The following TANGO6 variants were observed in gnomAD, a reference collection of about 807,000 sequenced individuals.
The protein encoded by TANGO6 is transport and Golgi organization protein 6 homolog.
A neutral mutation model predicts 114.2 loss-of-function variants in TANGO6; 90 were observed. The ratio of observed to expected loss-of-function variants is 0.79; its 90% CI spans 0.66 to 0.94. The LOEUF (loss-of-function observed/expected upper bound fraction) is 0.94. Ranked by LOEUF, TANGO6 falls within the 40% of genes least tolerant of loss-of-function variation. The pLI is 0.00. For synonymous variants in TANGO6, 477 were observed against 509.8 expected (o/e 0.94, Z 0.87); for missense variants, 1,274 against 1,315.3 (o/e 0.97, Z 0.49).
chr16:68,897,507 G>T (rs1005285032), intron 7 of TANGO6, among the ~76,000 whole-genome samples: 1 of 151,700 alleles, frequency 6.6e-6, no homozygotes, highest in African/African-American at 2.4e-5. Flanking sequence ...TAAATTTTAG[G>T]CACAAGTAGT....
At chr16:68,878,084 A>T (rs1355798872) in intron 5 of TANGO6, 34 bp from the exon 6 acceptor site, 2 of 1,576,918 alleles carry the variant, frequency 1.3e-6, no homozygotes, top group Non-Finnish European at 1.7e-6. Context: ...TCCTTGCAAA[A>T]AACTGGTATT....
At chr16:68,957,154 TATGC>T (rs562943316) in intron 14 of TANGO6, among the ~76,000 whole-genome samples, 12 of 151,970 alleles carry the variant, frequency 7.9e-5, no homozygotes, top group African/African-American at 2.7e-4. Context: ...TTTATGTGTG[TATGC>T]ATGCATGCAT....
chr16:69,021,299 G>C (rs771964163), intron 15 of TANGO6, among the ~76,000 whole-genome samples: 4 of 152,070 alleles, frequency 2.6e-5, no homozygotes, highest in Non-Finnish European at 5.9e-5. Context: ...TACACTGGCT[G>C]TTCTCTCTTC....
At chr16:68,854,568 A>G (rs759631558) in intron 1 of TANGO6, among the ~76,000 whole-genome samples, 1 of 151,386 alleles carries the variant, frequency 6.6e-6, no homozygotes, top group Non-Finnish European at 1.5e-5. Context: ...TTTTGTATTT[A>G]TGATCTGTTT....
At chr16:68,928,561 A>C (rs972247150) in intron 13 of TANGO6, among the ~76,000 whole-genome samples, 8 of 152,094 alleles carry the variant, frequency 5.3e-5, no homozygotes, top group African/African-American at 1.7e-4. Context: ...CGGCCTCCCA[A>C]AGTGCTGGGA....
intron 14 of TANGO6, among the ~76,000 whole-genome samples, chr16:68,963,360 G>A (rs947004423): frequency 2.6e-5 from 4 of 152,108 alleles, no homozygotes; most frequent in South Asian, 2.1e-4. Flanking sequence ...AAAGTGATCC[G>A]CCCACCTCGG....
chr16:69,049,341 A>G (rs1040565579), intron 17 of TANGO6, among the ~76,000 whole-genome samples: 8 of 152,018 alleles, frequency 5.3e-5, no homozygotes, highest in Admixed American at 2.6e-4. Context: ...GAGTCATACA[A>G]TATGTGGCCT....
chr16:68,914,409 GC>G (rs1327538336), intron 11 of TANGO6, among the ~76,000 whole-genome samples: 1 of 152,134 alleles, frequency 6.6e-6, no homozygotes, highest in Non-Finnish European at 1.5e-5. Flanking sequence ...TGATCTGCCT[GC>G]CTTGGCCTCC....
chr16:69,081,398 T>A (rs915514676), intron 17 of TANGO6, among the ~76,000 whole-genome samples: 1 of 151,624 alleles, frequency 6.6e-6, no homozygotes, highest in Non-Finnish European at 1.5e-5. Flanking sequence ...TTTTTTGAGG[T>A]GGAGTCTCAC....
chr16:68,896,940 A>G (rs959991844), intron 7 of TANGO6, among the ~76,000 whole-genome samples: 4 of 151,578 alleles, frequency 2.6e-5, no homozygotes, highest in Admixed American at 6.6e-5. Context: ...GTCTTGCTCT[A>G]TTGCCCAGGC....
chr16:68,930,167 C>T, intron 13 of TANGO6, 71 bp from the exon 14 acceptor site: 1 of 1,336,762 alleles, frequency 7.5e-7, no homozygotes, highest in Non-Finnish European at 1.0e-6. Flanking sequence ...CTTTGAGCTG[C>T]TGATAAGGGA....
chr16:68,928,536 G>A lies in TANGO6; in HGVS notation c.2643+453G>A, dbSNP rs563944897. Among the ~76,000 whole-genome samples, 5 of 151,958 alleles carry A rather than the reference G, an allele frequency of 3.3e-5. No homozygotes were observed. In the East Asian group the frequency reaches 5.8e-4, roughly 18 times the overall value. ...AGGATGGTCTCGATCTCCTGACCTC[G>A]TGATCCACCTGCCTCGGCCTCCCAA... is the stretch of plus-strand genomic sequence containing the variant. On this transcript the variant is annotated intron_variant, in intron 13 of 17. Transcript: ENST00000261778.
intron 9 of TANGO6, among the ~76,000 whole-genome samples, chr16:68,903,282 A>C (rs1962807429): frequency 6.6e-6 from 1 of 152,184 alleles, no homozygotes; most frequent in Non-Finnish European, 1.5e-5. Context: ...CAGAATTATC[A>C]GTACAAACGC....
At chr16:68,877,756 C>T (rs1338625109) in intron 5 of TANGO6, among the ~76,000 whole-genome samples, 2 of 151,822 alleles carry the variant, frequency 1.3e-5, no homozygotes, top group Non-Finnish European at 2.9e-5. Flanking sequence ...TACAGGCGCC[C>T]GCCACCACAC....
intron 1 of TANGO6, chr16:68,846,491 TA>T (rs1961806866): frequency 2.9e-6 from 1 of 349,438 alleles, no homozygotes; most frequent in South Asian, 2.1e-5. Context: ...CATTCTTTTA[TA>T]CGATTCTTTC....
At chr16:68,961,875 T>A (rs1963595462) in intron 14 of TANGO6, among the ~76,000 whole-genome samples, 2 of 152,218 alleles carry the variant, frequency 1.3e-5, no homozygotes. Flanking sequence ...CTTGCAGCTC[T>A]AAGTCACAAA....
At chr16:68,956,052 G>A (rs1963527077) in intron 14 of TANGO6, among the ~76,000 whole-genome samples, 2 of 152,154 alleles carry the variant, frequency 1.3e-5, no homozygotes, top group Non-Finnish European at 2.9e-5. Flanking sequence ...TCGGGAGGGT[G>A]AGGCAGGAGA....
intron 3 of TANGO6, 89 bp from the exon 4 acceptor site, chr16:68,866,975 CTTTTTTTTTTTTTTT>C: frequency 4.4e-6 from 1 of 227,118 alleles, no homozygotes; most frequent in African/African-American, 3.3e-5. Flanking sequence ...GCTATTTCTC[CTTTTTTTTTTTTTTT>C]TTTTTTTTTT....
intron 15 of TANGO6, 102 bp from the exon 16 acceptor site, chr16:69,022,726 G>C: frequency 7.7e-7 from 1 of 1,297,706 alleles, no homozygotes; most frequent in Non-Finnish European, 1.0e-6. Flanking sequence ...AAAACAAAAA[G>C]AATAAGACAT....
Sources: allele counts gnomAD v4.1 joint callset (sites outside exome capture counted in the v4.1 genomes callset), GRCh38; gene constraint gnomAD v4.1.1; transcripts MANE v1.5; gene names NCBI Gene and HGNC (gene_info 2026-07-23, HGNC 2026-07-21).